Variants in SORCS3 observed in about 807,000 individuals in gnomAD.
SORCS3 encodes VPS10 domain-containing receptor SorCS3.
Under a neutral mutation model 146.3 loss-of-function variants are expected in SORCS3, and 57 were observed. The observed-to-expected ratio is 0.39, with a 90% confidence interval of 0.31 to 0.49. The LOEUF is 0.49. Ranked by LOEUF, SORCS3 falls within the 20% of genes least tolerant of loss-of-function variation. SORCS3 has a pLI of 0.92. For synonymous variants in SORCS3, 653 were observed against 618.5 expected, an observed-to-expected ratio of 1.06 and a Z score of -0.83; for missense variants, 1,341 against 1,575.5, an observed-to-expected ratio of 0.85 and a Z score of 2.52.
At chr10:105,022,455 G>A (rs1422802279) in intron 4 of SORCS3, among the ~76,000 whole-genome samples, 12 of 133,942 alleles carry the variant, frequency 9.0e-5, no homozygotes, top group Admixed American at 8.6e-4. Context: ...CCACCACCAC[G>A]CCCAGCTAAT....
chr10:104,962,448 T>C (rs1387207001), intron 3 of SORCS3, among the ~76,000 whole-genome samples: 1 of 152,122 alleles, frequency 6.6e-6, no homozygotes, highest in African/African-American at 2.4e-5. Flanking sequence ...GGAAATCCAT[T>C]CAGTGTATGG....
intron 3 of SORCS3, among the ~76,000 whole-genome samples, chr10:104,956,544 T>C (rs2019492043): frequency 6.6e-6 from 1 of 152,094 alleles, no homozygotes; most frequent in Non-Finnish European, 1.5e-5. Flanking sequence ...CCAAATGTTA[T>C]TTCTCCTTCT....
intron 3 of SORCS3, among the ~76,000 whole-genome samples, chr10:104,928,165 A>T (rs184071886): frequency 1.2e-4 from 18 of 152,276 alleles, no homozygotes; most frequent in African/African-American, 4.3e-4. Context: ...AAGCCCAGGG[A>T]TGGAGTTAGG....
intron 12 of SORCS3, among the ~76,000 whole-genome samples, chr10:105,165,170 T>G (rs2056301547): frequency 6.6e-6 from 1 of 152,150 alleles, no homozygotes; most frequent in African/African-American, 2.4e-5. Flanking sequence ...ATTGAATACT[T>G]TGGAGTCCCT....
Position 104,641,747 on chromosome 10 carries a change from G to A in SORCS3, c.420G>A (p.Gln140=). Residue 140 remains glutamine, a synonymous_variant, in exon 1 of 27, where the codon CAG becomes CAA. Transcript: ENST00000369701. The surrounding 1 kb of genome is among the most constrained non-coding windows in gnomAD (Gnocchi z 6.4). Reference sequence around the variant, plus strand: ...GCCGGGCGCAGCCCCCAATCACCCAGGAACGCGGGGACGCCTGGGCCACTG... The same window carrying A: ...GCCGGGCGCAGCCCCCAATCACCCAAGAACGCGGGGACGCCTGGGCCACTG... ...RSRRAQPPIT[Q]ERGDAWATAP... 1 of 1,545,994 alleles carries A rather than the reference G, an allele frequency of 6.5e-7. No individual in the cohort carries two copies. The highest frequency in any genetic ancestry group is 1.2e-5 in the South Asian group (1 of 83,858).
chr10:104,900,758 G>A (rs571533952), intron 2 of SORCS3, among the ~76,000 whole-genome samples: 1 of 152,050 alleles, frequency 6.6e-6, no homozygotes, highest in South Asian at 2.1e-4. Context: ...CCCAGCTGTG[G>A]TGGCACGCAC....
At chr10:105,241,221 C>T (rs1026159118) in intron 20 of SORCS3, among the ~76,000 whole-genome samples, 11 of 152,154 alleles carry the variant, frequency 7.2e-5, no homozygotes, top group African/African-American at 2.7e-4. Context: ...AGTGGTGTTC[C>T]CTCTACCTGG....
At chr10:105,212,318 G>GT (rs1394099774) in intron 17 of SORCS3, among the ~76,000 whole-genome samples, 3 of 152,192 alleles carry the variant, frequency 2.0e-5, no homozygotes, top group Admixed American at 2.0e-4. Flanking sequence ...TAGGAGTCTA[G>GT]TTTAGGGACT....
intron 1 of SORCS3, among the ~76,000 whole-genome samples, chr10:104,705,448 T>C (rs1189733431): frequency 6.6e-6 from 1 of 152,216 alleles, no homozygotes; most frequent in African/African-American, 2.4e-5. Flanking sequence ...ACTACATTTT[T>C]AAGTGACTTA....
chr10:104,745,254 G>T (rs1181406864), intron 1 of SORCS3, among the ~76,000 whole-genome samples: 1 of 152,190 alleles, frequency 6.6e-6, no homozygotes, highest in East Asian at 1.9e-4. Flanking sequence ...TTAATCATTT[G>T]TATCTTACAG....
intron 20 of SORCS3, among the ~76,000 whole-genome samples, chr10:105,226,108 T>G (rs1325280916): frequency 6.6e-6 from 1 of 151,924 alleles, no homozygotes; most frequent in Non-Finnish European, 1.5e-5. Flanking sequence ...ATAGGAGTGG[T>G]GAAAATGGGC....
chr10:104,911,159 C>T (rs1425519429), intron 2 of SORCS3, among the ~76,000 whole-genome samples: 2 of 152,238 alleles, frequency 1.3e-5, no homozygotes, highest in African/African-American at 4.8e-5. Flanking sequence ...CTACCATTTG[C>T]CCCTCACCCC....
intron 1 of SORCS3, among the ~76,000 whole-genome samples, chr10:104,728,111 A>G (rs2016663890): frequency 1.3e-5 from 2 of 151,512 alleles, no homozygotes; most frequent in Admixed American, 6.6e-5. Flanking sequence ...TTGTGTCCAT[A>G]CCATCAGGTT....
At chr10:105,216,820 C>T (rs2056667883) in intron 18 of SORCS3, 116 bp from the exon 19 acceptor site, 3 of 954,288 alleles carry the variant, frequency 3.1e-6, no homozygotes, top group Non-Finnish European at 4.8e-6. Flanking sequence ...GGTGTTTCAG[C>T]CCTTTGGGAA....
chr10:104,746,655 C>G (rs2016915336), intron 1 of SORCS3, among the ~76,000 whole-genome samples: 1 of 152,214 alleles, frequency 6.6e-6, no homozygotes, highest in African/African-American at 2.4e-5. Flanking sequence ...CACCATCTCT[C>G]CTTTCCTCAT....
At chr10:105,198,255 G>A (rs1454838394) in intron 14 of SORCS3, among the ~76,000 whole-genome samples, 1 of 152,092 alleles carries the variant, frequency 6.6e-6, no homozygotes, top group African/African-American at 2.4e-5. Flanking sequence ...AGAAATATAT[G>A]GTTTAGCATC....
Position 105,217,095 on chromosome 10 carries a change from A to G in SORCS3, c.2707A>G (p.Thr903Ala). ...AYAENNLGSD[T>A]AVLFLHVVCP... is the part of the protein sequence containing the mutation. ...TGCAGAGAACAACCTTGGCTCAGAC[A>G]CAGCTGTCCTCTTCCTGCATGTGGT... The change falls in exon 19 of 27, where the codon ACA becomes GCA. Residue 903 changes from threonine (T) to alanine (A), a missense_variant. Physicochemically the swap from Thr to Ala is moderately conservative, Grantham distance 58. Coordinates refer to ENST00000369701, the MANE Select transcript of SORCS3 (RefSeq NM_014978.3). 6.2e-7 allele frequency: 1 copy of G among 1,614,146 alleles called. No homozygotes were observed. The highest frequency in any genetic ancestry group is 1.1e-5 in the South Asian group (1 of 91,078).
intron 2 of SORCS3, among the ~76,000 whole-genome samples, chr10:104,849,705 C>A (rs2018253330): frequency 6.6e-6 from 1 of 152,156 alleles, no homozygotes; most frequent in Non-Finnish European, 1.5e-5. Context: ...GCATGGAATG[C>A]AAAAGTTGTC....
intron 13 of SORCS3, among the ~76,000 whole-genome samples, chr10:105,168,102 AG>A (rs2056329337): frequency 6.6e-6 from 1 of 151,916 alleles, no homozygotes; most frequent in Non-Finnish European, 1.5e-5. Flanking sequence ...TAAGCAATAA[AG>A]GAGGTTTTTC....
Sources: gnomAD v4.1 joint callset for allele counts (sites outside exome capture counted in the v4.1 genomes callset) on GRCh38, gnomAD v4.1.1 for gene constraint, Gnocchi (gnomAD v3.1) non-coding constraint, MANE v1.5 for transcripts, NCBI Gene and HGNC (gene_info 2026-07-23, HGNC 2026-07-21) for gene names.